Variants in LSS observed in about 807,000 individuals in gnomAD.
LSS encodes 2,3-epoxysqualene-lanosterol cyclase.
Under a neutral mutation model 110.3 loss-of-function variants are expected in LSS, and 90 were observed. The observed-to-expected ratio is 0.82, with a 90% CI of 0.69 to 0.97. The LOEUF (loss-of-function observed/expected upper bound fraction) is 0.97, where lower values mean the gene tolerates loss of function less well. LSS is among the 50% of genes least tolerant of loss of function. The pLI, the probability that LSS is intolerant of heterozygous loss-of-function variation, is 0.00. For missense variants in LSS, 927 were observed against 990.0 expected (o/e 0.94, Z 0.85); for synonymous variants, 433 against 400.0 (o/e 1.08, Z -0.98).
chr21:46,188,953 T>TA lies in LSS; in HGVS notation c.*2150dup. The TA allele has an allele frequency of 2.7e-6, 1 of 365,788 alleles. No individual in the cohort carries two copies. The highest frequency in any genetic ancestry group is 2.1e-5 in the African/African-American group (1 of 46,894). The allele number at this position is 365,788 out of a possible 1,614,324, so 22.7% of individuals were successfully genotyped here. On this transcript the variant is annotated 3_prime_UTR_variant, in exon 22 of 22. Coordinates refer to ENST00000397728, the MANE Select transcript of LSS (RefSeq NM_002340.6). Reference sequence around the variant, plus strand: ...TAGGCTATGCTATTATCTCTTAAAATATCTGTTTTCCCTCAGGTAACTGGA... The same window carrying TA: ...TAGGCTATGCTATTATCTCTTAAAATAATCTGTTTTCCCTCAGGTAACTGGA...
intron 17 of LSS, among the ~76,000 whole-genome samples, chr21:46,200,225 GC>G (rs1474887954): frequency 6.6e-6 from 1 of 152,140 alleles, no homozygotes; most frequent in Non-Finnish European, 1.5e-5. Flanking sequence ...CAAAGGAAAA[GC>G]TTTTGGAAGA....
At chr21:46,212,309 T>G (rs963220942) in intron 11 of LSS, among the ~76,000 whole-genome samples, 1 of 152,176 alleles carries the variant, frequency 6.6e-6, no homozygotes, top group Non-Finnish European at 1.5e-5. Flanking sequence ...AGGACACCTC[T>G]GGAGACTCCA....
chr21:46,219,438 C>G, intron 6 of LSS, 38 bp downstream of exon 6: 1 of 1,482,060 alleles, frequency 6.7e-7, no homozygotes, highest in Non-Finnish European at 9.2e-7. Context: ...CCCGGGACAG[C>G]AGCAGCGACC....
At chr21:46,219,142 C>T (rs750122210) in intron 6 of LSS, among the ~76,000 whole-genome samples, 2 of 152,286 alleles carry the variant, frequency 1.3e-5, no homozygotes, top group African/African-American at 2.4e-5. Flanking sequence ...CACAGGACGC[C>T]CCTGTGCAGG....
Position 46,215,738 on chromosome 21 carries a change from A to G in LSS, c.839T>C (p.Val280Ala). The G allele has an allele frequency of 6.2e-7, 1 of 1,612,880 alleles. No homozygotes were observed. Among genetic ancestry groups the G allele is most frequent in the East Asian group, 2.2e-5 (1 of 44,838 alleles). The change falls in exon 8 of 22, where the codon GTG (valine) becomes GCG (alanine). Residue 280 changes from valine to alanine, a missense_variant. By Grantham distance (64) the Val-to-Ala change is moderately conservative. Transcript: ENST00000397728. ...CGGCGTGTACAGCTCGTCGGGGGCC[A>G]CGTTGTTCCTCTGCGCCAGCCAGTC... ...SIDWLAQRNN[V>A]APDELYTPHS... is the part of the protein sequence containing the mutation.
In LSS at chr21:46,188,955, T is replaced by C. The variant is rs1601403532; in HGVS notation, c.*2149A>G. 2.7e-6 allele frequency: 1 copy of C among 365,958 alleles called. No homozygotes were observed. Among genetic ancestry groups the C allele is most frequent in the Non-Finnish European group, 5.5e-6 (1 of 180,470 alleles). 22.7% of individuals were successfully genotyped at this position (365,958 alleles called of 1,614,324 possible). ...GGCTATGCTATTATCTCTTAAAATA[T>C]CTGTTTTCCCTCAGGTAACTGGAGA... is the stretch of plus-strand genomic sequence containing the variant. On this transcript the variant is annotated 3_prime_UTR_variant, in exon 22 of 22. Transcript: ENST00000397728.
intron 3 of LSS, 178 bp downstream of exon 3, chr21:46,227,374 A>G (rs2080353524): frequency 1.4e-6 from 1 of 690,534 alleles, no homozygotes; most frequent in East Asian, 2.7e-5. Flanking sequence ...TGGCAAGGCT[A>G]GCTGATCCCC....
intron 15 of LSS, among the ~76,000 whole-genome samples, 200 bp downstream of exon 15, chr21:46,207,228 C>T (rs2080061963): frequency 6.6e-6 from 1 of 152,252 alleles, no homozygotes; most frequent in African/African-American, 2.4e-5. Flanking sequence ...CAGTGCAGGG[C>T]CCTGTGCACA....
intron 5 of LSS, 89 bp from the exon 6 acceptor site, chr21:46,219,661 G>A: frequency 1.3e-6 from 1 of 747,906 alleles, no homozygotes; most frequent in Non-Finnish European, 2.1e-6. Context: ...CCCTCTGGGA[G>A]TCACGTGTGC....
At chr21:46,200,321 C>G (rs1391062908) in intron 17 of LSS, among the ~76,000 whole-genome samples, 1 of 151,992 alleles carries the variant, frequency 6.6e-6, no homozygotes, top group Non-Finnish European at 1.5e-5. Flanking sequence ...TCATCAAATG[C>G]TAACACTAAC....
At position 46,210,749 on chromosome 21, in the gene LSS, A is replaced by G. The variant is rs1396732295; in HGVS notation, c.1138-5T>C. 3.7e-6 allele frequency: 6 copies of G among 1,613,886 alleles called. No individual in the cohort carries two copies. Among genetic ancestry groups the G allele is most frequent in the Non-Finnish European group, 5.1e-6 (6 of 1,179,918 alleles). ...GATCTGTGAGCCGTTGGTGCCCTAC[A>G]CACAAAGGATGGTGTTACAGCAGCA... On this transcript the variant is annotated splice_polypyrimidine_tract_variant and splice_region_variant and intron_variant, in intron 11 of 21. Transcript: ENST00000397728.
chr21:46,189,580 G>T lies in LSS; in HGVS notation c.*1524C>A. 2.3e-6 allele frequency: 1 copy of T among 443,100 alleles called. No individual in the cohort carries two copies. Among genetic ancestry groups the T allele is most frequent in the Non-Finnish European group, 4.5e-6 (1 of 220,892 alleles). The allele number at this position is 443,100 out of a possible 1,614,324, so 27.4% of individuals were successfully genotyped here. On this transcript the variant is annotated 3_prime_UTR_variant, in exon 22 of 22. Transcript: ENST00000397728. The stretch of plus-strand genomic sequence containing the variant: ...AAGACCCCAGAGGGTGCGGCACCTG[G>T]GTGAGAGCCCTGGACTGCACACCAA...
At chr21:46,213,437 T>C (rs990412211) in intron 10 of LSS, among the ~76,000 whole-genome samples, 2 of 152,100 alleles carry the variant, frequency 1.3e-5, no homozygotes, top group African/African-American at 2.4e-5. Flanking sequence ...GCACAGTCCA[T>C]GGCTGACAAG....
In LSS at chr21:46,191,098, A is replaced by G. The variant is rs1172969755; in HGVS notation, c.*6T>C. 6.2e-7 allele frequency: 1 copy of G among 1,613,882 alleles called. No individual in the cohort carries two copies. The highest frequency in any genetic ancestry group is 1.3e-5 in the African/African-American group (1 of 74,922). ...CACAGACGGCACCCAGCAGGTAGGC[A>G]TGTTCTCAGGGGTGGCCAGCAAGGG... On this transcript the variant is annotated 3_prime_UTR_variant, in exon 22 of 22. Transcript: ENST00000397728.
Position 46,219,591 on chromosome 21 carries a change from G to T in LSS, c.551-19C>A. On this transcript the variant is annotated intron_variant, in intron 5 of 21. Coordinates refer to ENST00000397728, the MANE Select transcript of LSS (RefSeq NM_002340.6). ...GCACCACCTGAGCGGGGAGAGAATAGGCCCACGTCATCTGCTTCCTGTCAG... is the reference window on the plus strand; with the variant it reads ...GCACCACCTGAGCGGGGAGAGAATATGCCCACGTCATCTGCTTCCTGTCAG... 1.3e-6 allele frequency: 2 copies of T among 1,488,932 alleles called. No homozygotes were observed. Among genetic ancestry groups the T allele is most frequent in the Admixed American group, 2.0e-5 (1 of 50,192 alleles). The allele number at this position is 1,488,932 out of a possible 1,614,324, so 92.2% of individuals were successfully genotyped here.
At position 46,209,949 on chromosome 21, in the gene LSS, GCT is replaced by G. The variant is rs2099915161; in HGVS notation, c.1195-326_1195-325del. On this transcript the variant is annotated intron_variant, in intron 12 of 21. Transcript: ENST00000397728. The surrounding 1 kb of genome is among the most constrained non-coding windows in gnomAD (Gnocchi z 4.4). ...CCCTTTGCGTGGCCCAGCCCTCAGG[GCT>G]CTCCAGAAACACCTTCAGAATCCCA... Among the ~76,000 whole-genome samples, 1 of 152,080 alleles carries G rather than the reference GCT, an allele frequency of 6.6e-6. No homozygotes were observed. The highest frequency in any genetic ancestry group is 1.5e-5 in the Non-Finnish European group (1 of 68,002).
At chr21:46,197,550 T>C (rs1179335997) in intron 17 of LSS, among the ~76,000 whole-genome samples, 1 of 152,102 alleles carries the variant, frequency 6.6e-6, no homozygotes, top group Non-Finnish European at 1.5e-5. Context: ...AAAGTGAAAA[T>C]TTCAGGCTCA....
chr21:46,192,680 C>T (rs767664509), intron 20 of LSS: 4 of 451,092 alleles, frequency 8.9e-6, no homozygotes, highest in African/African-American at 6.2e-5. Context: ...TGTGCATAGA[C>T]CTGTGTGTGC....
chr21:46,210,791 C>T, intron 11 of LSS, 47 bp from the exon 12 acceptor site: 1 of 1,574,272 alleles, frequency 6.4e-7, no homozygotes, highest in South Asian at 1.1e-5. Context: ...GCCCCTCCCA[C>T]TCCCAGCCAC....
Sources: gnomAD v4.1 joint callset for allele counts (sites outside exome capture counted in the v4.1 genomes callset) on GRCh38, gnomAD v4.1.1 for gene constraint, Gnocchi (gnomAD v3.1) non-coding constraint, MANE v1.5 for transcripts, NCBI Gene and HGNC (gene_info 2026-07-23, HGNC 2026-07-21) for gene names.